Variants in BCL2L13 observed in about 807,000 individuals in gnomAD.
BCL2L13 encodes bcl-2-like protein 13.
BCL2L13 carries 13 observed loss-of-function variants against 25.8 expected under a neutral mutation model. The observed-to-expected ratio is 0.50, with a 90% CI of 0.33 to 0.80. The LOEUF (loss-of-function observed/expected upper bound fraction) is 0.80, where lower values mean the gene tolerates loss of function less well. Ranked by LOEUF, BCL2L13 falls within the 30% of genes least tolerant of loss-of-function variation. The pLI is 0.02. For missense variants in BCL2L13, 504 were observed against 574.9 expected, an observed-to-expected ratio of 0.88 and a Z score of 1.26; for synonymous variants, 244 against 230.3, an observed-to-expected ratio of 1.06 and a Z score of -0.54.
At chr22:17,719,507 A>G (rs1342920843) in intron 6 of BCL2L13, among the ~76,000 whole-genome samples, 1 of 152,182 alleles carries the variant, frequency 6.6e-6, no homozygotes. Flanking sequence ...GAATCAACCC[A>G]AATGTTCACC....
At chr22:17,721,179 AAATAT>A (rs2061116383) in intron 6 of BCL2L13, among the ~76,000 whole-genome samples, 1 of 150,118 alleles carries the variant, frequency 6.7e-6, no homozygotes, top group Non-Finnish European at 1.5e-5. Context: ...CAAAAAAAAA[AAATAT>A]ATATATATTT....
At chr22:17,693,274 T>G (rs2060156400) in intron 4 of BCL2L13, among the ~76,000 whole-genome samples, 1 of 151,350 alleles carries the variant, frequency 6.6e-6, no homozygotes, top group South Asian at 2.1e-4. Flanking sequence ...TCTTAAATAT[T>G]CTTAAACTAA....
intron 4 of BCL2L13, 87 bp from the exon 5 acceptor site, chr22:17,696,054 C>A: frequency 2.1e-6 from 2 of 943,344 alleles, no homozygotes; most frequent in South Asian, 2.7e-5. Context: ...GCAAAAAGTT[C>A]AACAGAGTAG....
intron 6 of BCL2L13, among the ~76,000 whole-genome samples, chr22:17,718,222 A>G (rs2061001816): frequency 6.6e-6 from 1 of 152,182 alleles, no homozygotes; most frequent in Admixed American, 6.5e-5. Flanking sequence ...TGTTGATGGA[A>G]GGGAAGAGAT....
chr22:17,631,662 GTGTGTGTGTATATATATATATATA>G (rs1229686514), intron 1 of BCL2L13, among the ~76,000 whole-genome samples: 6 of 32,136 alleles, frequency 1.9e-4, no homozygotes, highest in East Asian at 1.5e-3. Context: ...GTATGTATGT[GTGTGTGTGTATATATATATATATA>G]TATATATATA....
intron 3 of BCL2L13, among the ~76,000 whole-genome samples, chr22:17,686,982 A>G (rs1160333323): frequency 6.6e-6 from 1 of 152,196 alleles, no homozygotes; most frequent in Non-Finnish European, 1.5e-5. Flanking sequence ...AAGTTAGACC[A>G]TTAAAATGGA....
chr22:17,654,676 G>A (rs913901303), intron 1 of BCL2L13, among the ~76,000 whole-genome samples: 53 of 150,182 alleles, frequency 3.5e-4, no homozygotes, highest in African/African-American at 8.8e-4. Flanking sequence ...CGCCCGCCTC[G>A]GCCTCCCAAA....
At position 17,684,496 on chromosome 22, in the gene BCL2L13, C is replaced by A. The variant is rs2145584192; in HGVS notation, c.229+1175C>A. On this transcript the variant is annotated intron_variant, in intron 3 of 6. Coordinates refer to ENST00000317582, the MANE Select transcript of BCL2L13 (RefSeq NM_015367.4). The stretch of plus-strand genomic sequence containing the variant: ...CACCCCACACCAGGCACCCACTGAT[C>A]TCCATTCTGTTTTTATTGATTTGCC... 5 of 439,986 alleles carry A rather than the reference C, an allele frequency of 1.1e-5. 1 individual carries two copies. The highest frequency in any genetic ancestry group is 8.1e-5 in the South Asian group (5 of 61,972). The allele number at this position is 439,986 out of a possible 1,614,324, so 27.3% of individuals were successfully genotyped here.
chr22:17,693,625 C>CCA (rs951153829), intron 4 of BCL2L13, among the ~76,000 whole-genome samples: 1 of 152,066 alleles, frequency 6.6e-6, no homozygotes, highest in Non-Finnish European at 1.5e-5. Context: ...GGTGATCCAC[C>CCA]CACCTCAGCC....
At chr22:17,684,461 G>T in intron 3 of BCL2L13, 2 of 409,354 alleles carry the variant, frequency 4.9e-6, no homozygotes, top group South Asian at 1.8e-5. Context: ...CTAGCCCCAG[G>T]CCCCAACCCC....
upstream of BCL2L13, chr22:17,638,083 A>T (rs910999302): frequency 6.6e-6 from 1 of 152,142 alleles, no homozygotes; most frequent in Non-Finnish European, 1.5e-5. Flanking sequence ...CCTAAAACAC[A>T]CTGTATCCTC....
chr22:17,669,299 T>C (rs1443604695), intron 2 of BCL2L13, among the ~76,000 whole-genome samples: 1 of 152,200 alleles, frequency 6.6e-6, no homozygotes, highest in Non-Finnish European at 1.5e-5. Flanking sequence ...CCCACAGTGC[T>C]GGGATTACAG....
At chr22:17,710,150 T>G (rs892277651) in intron 6 of BCL2L13, among the ~76,000 whole-genome samples, 4 of 151,632 alleles carry the variant, frequency 2.6e-5, no homozygotes, top group African/African-American at 9.7e-5. Flanking sequence ...AGTAAAAGCT[T>G]AGTAATCTGT....
rs1331680445 is a variant in BCL2L13, at chr22:17,727,505, G to C, written c.1429G>C (p.Gly477Arg). 1 of 1,614,218 alleles carries C rather than the reference G, an allele frequency of 6.2e-7. No individual in the cohort carries two copies. Residue 477 changes from glycine to arginine, a missense_variant, in exon 7 of 7, where the codon GGG becomes CGG. Gly to Arg is a moderately radical substitution (Grantham distance 125). Coordinates refer to ENST00000317582, the MANE Select transcript of BCL2L13 (RefSeq NM_015367.4). ...TGTTGCCATCCTGGCAGTGGCCATCGGGGTAGCCCTGGCTCTGAGAAAGAA... is the reference window on the plus strand; with the variant it reads ...TGTTGCCATCCTGGCAGTGGCCATCCGGGTAGCCCTGGCTCTGAGAAAGAA... ...AAVAILAVAI[G>R]VALALRKK
At chr22:17,684,496 C>G in intron 3 of BCL2L13, 1 of 439,986 alleles carries the variant, frequency 2.3e-6, no homozygotes, top group Non-Finnish European at 4.6e-6. Flanking sequence ...ACCCACTGAT[C>G]TCCATTCTGT....
intron 2 of BCL2L13, among the ~76,000 whole-genome samples, chr22:17,675,783 T>C (rs1568958769): frequency 6.6e-6 from 1 of 152,214 alleles, no homozygotes; most frequent in Non-Finnish European, 1.5e-5. Context: ...CAATTTGTTG[T>C]GCAATGTCCA....
chr22:17,726,997 T>C lies in BCL2L13; in HGVS notation c.921T>C (p.Ile307=), dbSNP rs749815772. The change falls in exon 7 of 7, where the codon ATT becomes ATC. Residue 307 remains isoleucine (I), a synonymous_variant. Transcript: ENST00000317582. The part of the protein sequence containing the change: ...KSENNSSNSD[I]VHVEKEEVPE... ...AGAACAACTCCTCTAATTCTGACAT[T>C]GTGCACGTGGAGAAAGAAGAGGTGC... 1 of 1,614,140 alleles carries C rather than the reference T, an allele frequency of 6.2e-7. No individual in the cohort carries two copies. The highest frequency in any genetic ancestry group is 8.5e-7 in the Non-Finnish European group (1 of 1,180,044).
At chr22:17,700,624 A>G (rs936729294) in intron 5 of BCL2L13, among the ~76,000 whole-genome samples, 2 of 152,210 alleles carry the variant, frequency 1.3e-5, no homozygotes, top group Admixed American at 1.3e-4. Flanking sequence ...ACCCGAGGCA[A>G]AATATAAACA....
At chr22:17,699,060 T>C (rs975957736) in intron 5 of BCL2L13, among the ~76,000 whole-genome samples, 3 of 152,220 alleles carry the variant, frequency 2.0e-5, no homozygotes, top group African/African-American at 7.2e-5. Context: ...ATTTCCTTCC[T>C]GATCAGATTC....
Sources: gnomAD v4.1 joint callset for allele counts (sites outside exome capture counted in the v4.1 genomes callset) on GRCh38, gnomAD v4.1.1 for gene constraint, MANE v1.5 for transcripts, NCBI Gene and HGNC (gene_info 2026-07-23, HGNC 2026-07-21) for gene names.